SORCS3: variants seen among roughly 807,000 people sequenced by gnomAD.
The protein encoded by SORCS3 is VPS10 domain-containing receptor SorCS3.
SORCS3 carries 57 observed loss-of-function variants against 146.3 expected under a neutral mutation model. The observed-to-expected ratio is 0.39, with a 90% confidence interval of 0.31 to 0.49. The LOEUF (loss-of-function observed/expected upper bound fraction) is 0.49, where lower values mean the gene tolerates loss of function less well. Among genes scored for constraint, SORCS3 ranks in the 20% least tolerant of loss-of-function variants. SORCS3 has a pLI of 0.92. For missense variants in SORCS3, 1,341 were observed against 1,575.5 expected (o/e 0.85, Z 2.52); for synonymous variants, 653 against 618.5 (o/e 1.06, Z -0.83).
At chr10:104,995,393 C>G (rs113602308) in intron 4 of SORCS3, among the ~76,000 whole-genome samples, 4 of 152,030 alleles carry the variant, frequency 2.6e-5, no homozygotes, top group Non-Finnish European at 5.9e-5. Context: ...CTCCTGACTT[C>G]GTGATCTGCA....
At chr10:105,108,572 G>C (rs966373972) in intron 7 of SORCS3, among the ~76,000 whole-genome samples, 2 of 152,196 alleles carry the variant, frequency 1.3e-5, no homozygotes, top group African/African-American at 4.8e-5. Flanking sequence ...ATGAGACCTA[G>C]ATAGACAATT....
intron 9 of SORCS3, among the ~76,000 whole-genome samples, chr10:105,151,499 G>A (rs2056167302): frequency 6.6e-6 from 1 of 152,072 alleles, no homozygotes; most frequent in African/African-American, 2.4e-5. Flanking sequence ...TTGACTCAAA[G>A]GTTCAGAGAT....
At chr10:104,884,399 A>G (rs1207180149) in intron 2 of SORCS3, among the ~76,000 whole-genome samples, 4 of 152,214 alleles carry the variant, frequency 2.6e-5, no homozygotes, top group Non-Finnish European at 5.9e-5. Flanking sequence ...AGGATCTATG[A>G]TATAAAAATT....
chr10:104,822,565 G>A (rs1178603955), intron 1 of SORCS3, among the ~76,000 whole-genome samples: 1 of 152,160 alleles, frequency 6.6e-6, no homozygotes, highest in Non-Finnish European at 1.5e-5. Context: ...CAGGAGTTAT[G>A]TGGAGACAAA....
chr10:105,107,103 A>G (rs2055827407), intron 7 of SORCS3, among the ~76,000 whole-genome samples: 1 of 152,152 alleles, frequency 6.6e-6, no homozygotes, highest in African/African-American at 2.4e-5. Context: ...CCACAAGTAA[A>G]ACAGAACCAA....
chr10:104,728,803 G>A lies in SORCS3; in HGVS notation c.627+86849G>A, dbSNP rs1463934478. 3.9e-5 allele frequency among the ~76,000 whole-genome samples: 6 copies of A among 152,168 alleles called. No individual in the cohort carries two copies. In the East Asian group the frequency reaches 1.2e-3, roughly 29 times the overall value. ...CTGAGCTCAGCAAATGATGGTGGAA[G>A]TCCAGGCTCACTGAGAGACTAGTCC... On this transcript the variant is annotated intron_variant, in intron 1 of 26. Coordinates refer to ENST00000369701, the MANE Select transcript of SORCS3 (RefSeq NM_014978.3).
At chr10:104,886,742 A>G (rs2018692720) in intron 2 of SORCS3, among the ~76,000 whole-genome samples, 1 of 152,202 alleles carries the variant, frequency 6.6e-6, no homozygotes, top group African/African-American at 2.4e-5. Flanking sequence ...TAACATTTGA[A>G]AGAAGGTGGG....
intron 3 of SORCS3, among the ~76,000 whole-genome samples, chr10:104,930,987 G>A (rs186934436): frequency 3.3e-4 from 50 of 152,244 alleles, no homozygotes; most frequent in Non-Finnish European, 5.9e-4. Flanking sequence ...TCAGGACAAT[G>A]GGCCCTTGAA....
At chr10:104,788,185 T>C (rs1364301706) in intron 1 of SORCS3, among the ~76,000 whole-genome samples, 1 of 152,206 alleles carries the variant, frequency 6.6e-6, no homozygotes, top group African/African-American at 2.4e-5. Flanking sequence ...AGTAATTGAA[T>C]CAGGCAATGG....
chr10:105,005,566 T>C (rs1489163502), intron 4 of SORCS3, among the ~76,000 whole-genome samples: 1 of 152,104 alleles, frequency 6.6e-6, no homozygotes, highest in African/African-American at 2.4e-5. Flanking sequence ...AGGGGTAGAA[T>C]TATATACAAG....
intron 1 of SORCS3, among the ~76,000 whole-genome samples, chr10:104,690,662 C>G (rs1053101063): frequency 6.6e-6 from 1 of 152,122 alleles, no homozygotes; most frequent in South Asian, 2.1e-4. Flanking sequence ...CTCTTTTTCA[C>G]TTCCTACTTT....
chr10:105,259,274 T>C (rs2056947384), intron 25 of SORCS3, among the ~76,000 whole-genome samples: 1 of 152,250 alleles, frequency 6.6e-6, no homozygotes, highest in African/African-American at 2.4e-5. Context: ...AAACGCTCTG[T>C]TGAGCAGCAC....
At chr10:105,261,383 T>A (rs1217218594) in intron 25 of SORCS3, among the ~76,000 whole-genome samples, 1 of 152,168 alleles carries the variant, frequency 6.6e-6, no homozygotes, top group Non-Finnish European at 1.5e-5. Context: ...ATTAGAGTCT[T>A]GTAACTCAAA....
intron 2 of SORCS3, among the ~76,000 whole-genome samples, chr10:104,899,840 T>A (rs1326444760): frequency 1.3e-5 from 2 of 152,044 alleles, no homozygotes; most frequent in Non-Finnish European, 2.9e-5. Flanking sequence ...TTTTCTTTAC[T>A]CATCCATTAG....
intron 4 of SORCS3, among the ~76,000 whole-genome samples, chr10:105,042,039 G>A (rs1209361093): frequency 6.6e-6 from 1 of 152,176 alleles, no homozygotes; most frequent in African/African-American, 2.4e-5. Flanking sequence ...TGTGAAATAG[G>A]AGGTTTATGT....
chr10:105,252,583 C>G (rs1317151201), intron 22 of SORCS3, among the ~76,000 whole-genome samples, 192 bp from the exon 23 acceptor site: 1 of 152,126 alleles, frequency 6.6e-6, no homozygotes, highest in Non-Finnish European at 1.5e-5. Context: ...GGTAGTGAAA[C>G]TAATAATGTT....
intron 1 of SORCS3, among the ~76,000 whole-genome samples, chr10:104,832,927 G>A (rs1343025956): frequency 6.6e-6 from 1 of 152,086 alleles, no homozygotes; most frequent in Admixed American, 6.5e-5. Context: ...TCAGACCTTG[G>A]TATTTGGACC....
At chr10:105,085,433 A>T (rs1275910965) in intron 5 of SORCS3, among the ~76,000 whole-genome samples, 2 of 152,172 alleles carry the variant, frequency 1.3e-5, no homozygotes, top group East Asian at 3.9e-4. Context: ...GGACCTAGGG[A>T]CAGAGCAGTT....
At chr10:104,677,494 T>G (rs1172340934) in intron 1 of SORCS3, among the ~76,000 whole-genome samples, 1 of 152,244 alleles carries the variant, frequency 6.6e-6, no homozygotes, top group African/African-American at 2.4e-5. Flanking sequence ...CCTCTAACAT[T>G]AGCCAGCCTG....
Sources: allele counts gnomAD v4.1 joint callset (sites outside exome capture counted in the v4.1 genomes callset), GRCh38; gene constraint gnomAD v4.1.1; transcripts MANE v1.5; gene names NCBI Gene and HGNC (gene_info 2026-07-23, HGNC 2026-07-21).